LRMDA: variants seen among roughly 807,000 people sequenced by gnomAD.
LRMDA encodes the protein leucine rich melanocyte differentiation associated.
A neutral mutation model predicts 29.8 loss-of-function variants in LRMDA; 18 were observed. The ratio of observed to expected loss-of-function variants is 0.60; its 90% CI spans 0.42 to 0.90. The LOEUF is 0.90. Among genes scored for constraint, LRMDA ranks in the 40% least tolerant of loss-of-function variants. LRMDA has a pLI of 0.00. For synonymous variants in LRMDA, 125 were observed against 109.4 expected (o/e 1.14, Z -0.89); for missense variants, 273 against 273.9 (o/e 1.00, Z 0.02).
At chr10:76,433,770 T>A (rs575811074) in intron 6 of LRMDA, 13 of 152,360 alleles carry the variant, frequency 8.5e-5, no homozygotes, top group African/African-American at 2.6e-4. Context: ...CAGGTAACCA[T>A]TCTTATTTGT....
intron 2 of LRMDA, among the ~76,000 whole-genome samples, chr10:75,575,638 G>T (rs1372175002): frequency 1.3e-5 from 2 of 152,156 alleles, no homozygotes; most frequent in African/African-American, 2.4e-5. Flanking sequence ...GATGCAGAAG[G>T]CGAGTGATTT....
chr10:75,857,054 G>A (rs568805748), intron 2 of LRMDA, among the ~76,000 whole-genome samples: 7 of 152,208 alleles, frequency 4.6e-5, no homozygotes, highest in Admixed American at 1.3e-4. Context: ...AAAAATGAGC[G>A]ATTTAAACTT....
At position 76,359,842 on chromosome 10, in the gene LRMDA, G is replaced by A. The variant is rs141004381; in HGVS notation, c.601+35357G>A. On this transcript the variant is annotated intron_variant, in intron 6 of 6. Coordinates refer to ENST00000611255, the MANE Select transcript of LRMDA (RefSeq NM_001305581.2). ...ATTTTGGATAATAATAGAAAAATTC[G>A]TTAAGGCTGGGAGTAGAGCTTTGCT... Among the ~76,000 whole-genome samples, 728 of 152,220 alleles carry A rather than the reference G, an allele frequency of 4.8e-3. 6 individuals are homozygous for A. The highest frequency in any genetic ancestry group is 0.017 in the African/African-American group (687 of 41,538).
At chr10:76,536,579 C>T (rs926673056) in intron 6 of LRMDA, among the ~76,000 whole-genome samples, 3 of 152,160 alleles carry the variant, frequency 2.0e-5, no homozygotes, top group Non-Finnish European at 2.9e-5. Flanking sequence ...AGGTCAATTT[C>T]ATTTTAGAAT....
intron 2 of LRMDA, among the ~76,000 whole-genome samples, chr10:75,975,273 G>A (rs1376459860): frequency 6.6e-6 from 1 of 152,214 alleles, no homozygotes; most frequent in Non-Finnish European, 1.5e-5. Flanking sequence ...TTGCCTGAGT[G>A]CCTCTACACT....
intron 2 of LRMDA, among the ~76,000 whole-genome samples, chr10:75,970,607 A>G (rs926489615): frequency 6.6e-6 from 1 of 152,164 alleles, no homozygotes; most frequent in African/African-American, 2.4e-5. Flanking sequence ...ATTGTATTCT[A>G]GTTGCCCAAC....
chr10:75,557,882 C>G (rs985819986), intron 2 of LRMDA, among the ~76,000 whole-genome samples: 42 of 152,218 alleles, frequency 2.8e-4, no homozygotes, highest in Admixed American at 6.5e-5. Flanking sequence ...TTTCAAGGAC[C>G]AAGGTGTTTT....
At chr10:75,862,831 G>C (rs1439042965) in intron 2 of LRMDA, among the ~76,000 whole-genome samples, 2 of 152,092 alleles carry the variant, frequency 1.3e-5, no homozygotes, top group Non-Finnish European at 2.9e-5. Flanking sequence ...ACTTCCAGTG[G>C]CATTTGCATA....
chr10:75,980,574 C>T (rs1455786335), intron 2 of LRMDA, among the ~76,000 whole-genome samples: 5 of 152,060 alleles, frequency 3.3e-5, no homozygotes, highest in Admixed American at 1.3e-4. Flanking sequence ...TGGACCCGTG[C>T]GTGTCTGGCT....
intron 5 of LRMDA, among the ~76,000 whole-genome samples, chr10:76,316,618 T>C (rs1259859905): frequency 6.6e-6 from 1 of 152,232 alleles, no homozygotes; most frequent in Non-Finnish European, 1.5e-5. Flanking sequence ...ACACTTGCAT[T>C]ATAAGGCTAT....
chr10:76,310,691 T>A (rs1840619291), intron 5 of LRMDA, among the ~76,000 whole-genome samples: 1 of 152,150 alleles, frequency 6.6e-6, no homozygotes, highest in African/African-American at 2.4e-5. Flanking sequence ...TGCCTTCTGG[T>A]GAGATCCATC....
At chr10:75,484,664 G>A (rs1306674853) in intron 2 of LRMDA, among the ~76,000 whole-genome samples, 1 of 152,172 alleles carries the variant, frequency 6.6e-6, no homozygotes, top group Admixed American at 6.5e-5. Context: ...TCACAAGGGT[G>A]GGGCCTTAAT....
At chr10:76,147,505 G>A (rs1236553140) in intron 5 of LRMDA, among the ~76,000 whole-genome samples, 5 of 152,072 alleles carry the variant, frequency 3.3e-5, no homozygotes, top group East Asian at 1.9e-4. Context: ...CATTCGTCAC[G>A]TAGCTCTCGT....
At chr10:76,412,435 C>CGTG (rs1472177892) in intron 6 of LRMDA, among the ~76,000 whole-genome samples, 6 of 152,202 alleles carry the variant, frequency 3.9e-5, no homozygotes, top group Non-Finnish European at 8.8e-5. Context: ...GTTAACCATA[C>CGTG]TGTGGCTTTT....
intron 2 of LRMDA, among the ~76,000 whole-genome samples, chr10:75,564,028 G>T (rs1260564119): frequency 2.0e-5 from 3 of 152,310 alleles, no homozygotes; most frequent in South Asian, 4.1e-4. Flanking sequence ...CAGATCTCCA[G>T]CTGCGTGCTG....
chr10:76,333,039 G>T (rs1325033864), intron 6 of LRMDA, among the ~76,000 whole-genome samples: 4 of 152,156 alleles, frequency 2.6e-5, no homozygotes. Context: ...GACTACTCAG[G>T]CATGACTCTT....
intron 2 of LRMDA, among the ~76,000 whole-genome samples, chr10:75,983,268 G>T (rs145677554): frequency 2.6e-5 from 4 of 152,342 alleles, no homozygotes; most frequent in African/African-American, 9.6e-5. Flanking sequence ...AACAAGGAAA[G>T]GGCTACAGGA....
chr10:75,627,613 T>C (rs1329758625), intron 2 of LRMDA, among the ~76,000 whole-genome samples: 1 of 152,158 alleles, frequency 6.6e-6, no homozygotes, highest in African/African-American at 2.4e-5. Context: ...GTTACTGCTG[T>C]GGGCAATACT....
intron 2 of LRMDA, among the ~76,000 whole-genome samples, chr10:75,549,890 C>T (rs1840121496): frequency 6.6e-6 from 1 of 152,116 alleles, no homozygotes; most frequent in Non-Finnish European, 1.5e-5. Context: ...TGGAATCATA[C>T]AGTATTCACC....
Sources: gnomAD v4.1 joint callset for allele counts (sites outside exome capture counted in the v4.1 genomes callset) on GRCh38, gnomAD v4.1.1 for gene constraint, MANE v1.5 for transcripts, NCBI Gene and HGNC (gene_info 2026-07-23, HGNC 2026-07-21) for gene names.